PRRX2: variants seen among roughly 807,000 people sequenced by gnomAD.
PRRX2 encodes the protein paired mesoderm homeobox protein 2.
PRRX2 carries 11 observed loss-of-function variants against 18.0 expected under a neutral mutation model. The observed-to-expected ratio is 0.61, with a 90% CI of 0.39 to 1.01. PRRX2 has a LOEUF of 1.01. Ranked by LOEUF, PRRX2 falls within the 50% of genes least tolerant of loss-of-function variation. The probability of loss-of-function intolerance (pLI) is 0.01; values close to 1 mark genes in which losing one functional copy is unlikely to be tolerated. For missense variants in PRRX2, 387 were observed against 351.0 expected (o/e 1.10, Z -0.82); for synonymous variants, 177 against 154.8 (o/e 1.14, Z -1.06).
chr9:129,673,948 G>A (rs1832133856), intron 1 of PRRX2, among the ~76,000 whole-genome samples: 1 of 152,242 alleles, frequency 6.6e-6, no homozygotes, highest in South Asian at 2.1e-4. Flanking sequence ...TCAGCATCCC[G>A]CAGGTAGGGA....
At chr9:129,672,587 G>A (rs956319597) in intron 1 of PRRX2, among the ~76,000 whole-genome samples, 1 of 151,810 alleles carries the variant, frequency 6.6e-6, no homozygotes, top group Non-Finnish European at 1.5e-5. Flanking sequence ...GGGGCCGTGA[G>A]GTGGCCCGGG....
intron 1 of PRRX2, among the ~76,000 whole-genome samples, chr9:129,714,937 A>G (rs907088561): frequency 3.3e-5 from 5 of 152,090 alleles, no homozygotes; most frequent in African/African-American, 1.2e-4. Flanking sequence ...GCTATTGATC[A>G]CCACCCAGTT....
At chr9:129,684,490 A>G (rs1588164951) in intron 1 of PRRX2, among the ~76,000 whole-genome samples, 1 of 84,456 alleles carries the variant, frequency 1.2e-5, no homozygotes. Flanking sequence ...AATCACACAC[A>G]CACACACACA....
At chr9:129,690,223 A>T (rs1393484059) in intron 1 of PRRX2, among the ~76,000 whole-genome samples, 7 of 152,180 alleles carry the variant, frequency 4.6e-5, no homozygotes, top group Admixed American at 4.6e-4. Flanking sequence ...TCTCTCCCTG[A>T]GAGTTGGCCT....
At chr9:129,711,557 CA>C in intron 1 of PRRX2, among the ~76,000 whole-genome samples, 1 of 151,914 alleles carries the variant, frequency 6.6e-6, no homozygotes, top group Non-Finnish European at 1.5e-5. Flanking sequence ...AGGTGCACAC[CA>C]CCACACCCAG....
At chr9:129,677,648 G>A (rs892961911) in intron 1 of PRRX2, among the ~76,000 whole-genome samples, 7 of 152,228 alleles carry the variant, frequency 4.6e-5, no homozygotes, top group Admixed American at 3.3e-4. Flanking sequence ...TGGGGAGGGG[G>A]GTGACCAGGG....
chr9:129,714,962 T>A (rs767085047), intron 1 of PRRX2, among the ~76,000 whole-genome samples: 6 of 152,086 alleles, frequency 3.9e-5, no homozygotes, highest in Non-Finnish European at 7.4e-5. Flanking sequence ...GCGCAAGGGC[T>A]CTTGTTTCGG....
At chr9:129,703,715 T>C (rs1218360247) in intron 1 of PRRX2, among the ~76,000 whole-genome samples, 1 of 152,138 alleles carries the variant, frequency 6.6e-6, no homozygotes, top group Non-Finnish European at 1.5e-5. Flanking sequence ...CCTTCTCGCC[T>C]CACCACAGTC....
chr9:129,690,382 T>C (rs7867142), intron 1 of PRRX2, among the ~76,000 whole-genome samples: 14,907 of 152,054 alleles, frequency 0.098, 1,391 homozygotes, highest in East Asian at 0.35. Context: ...ATGGGTAGGA[T>C]CTGAACCCTG....
chr9:129,684,460 C>CACACACG (rs1415884580), intron 1 of PRRX2, among the ~76,000 whole-genome samples: 1 of 125,098 alleles, frequency 8.0e-6, no homozygotes. Flanking sequence ...ACACACACAC[C>CACACACG]CAACAGAAAA....
At chr9:129,670,109 G>A (rs1011441756) in intron 1 of PRRX2, among the ~76,000 whole-genome samples, 5 of 148,736 alleles carry the variant, frequency 3.4e-5, no homozygotes, top group Non-Finnish European at 5.9e-5. Context: ...TTCTGTGACC[G>A]TCTTATTTCA....
chr9:129,685,393 G>T (rs185145963), intron 1 of PRRX2, among the ~76,000 whole-genome samples: 1 of 152,086 alleles, frequency 6.6e-6, no homozygotes, highest in Non-Finnish European at 1.5e-5. Flanking sequence ...TTGAGGCAGG[G>T]TCTCACTCTG....
intron 1 of PRRX2, among the ~76,000 whole-genome samples, chr9:129,697,254 G>A (rs1293426948): frequency 6.6e-6 from 1 of 152,118 alleles, no homozygotes; most frequent in Non-Finnish European, 1.5e-5. Flanking sequence ...AGTGGAGAGG[G>A]AGGTGTCTGA....
intron 1 of PRRX2, among the ~76,000 whole-genome samples, chr9:129,713,628 T>C (rs1027458211): frequency 4.0e-5 from 6 of 151,634 alleles, no homozygotes; most frequent in East Asian, 1.9e-4. Context: ...TCTTCCTTTT[T>C]TTTCTTTCTT....
At chr9:129,693,288 T>C (rs931265409) in intron 1 of PRRX2, among the ~76,000 whole-genome samples, 3 of 152,124 alleles carry the variant, frequency 2.0e-5, no homozygotes, top group African/African-American at 7.2e-5. Flanking sequence ...GTAGATAGTC[T>C]TTTAAAAAAA....
chr9:129,716,597 G>A (rs1312588564), intron 1 of PRRX2, among the ~76,000 whole-genome samples: 5 of 151,926 alleles, frequency 3.3e-5, no homozygotes, highest in Non-Finnish European at 7.4e-5. Context: ...TGGGATTACA[G>A]GCATGCACCA....
Position 129,709,123 on chromosome 9 carries a change from G to A in PRRX2, c.260-10108G>A, listed in dbSNP as rs1473945147. On this transcript the variant is annotated intron_variant, in intron 1 of 3. Transcript: ENST00000372469. This position sits in a 1 kb window ranked among gnomAD's most constrained non-coding sequence, Gnocchi z 4.2. The stretch of plus-strand genomic sequence containing the variant: ...GGGCTGGGTCAGCTTTAGCCAGTGC[G>A]GTGGGGATGGGGGAAGGGTGCCCTA... Among the ~76,000 whole-genome samples, 5 of 152,060 alleles carry A rather than the reference G, an allele frequency of 3.3e-5. No homozygotes were observed. The highest frequency in any genetic ancestry group is 1.2e-4 in the African/African-American group (5 of 41,406).
chr9:129,712,174 G>A (rs961129465), intron 1 of PRRX2, among the ~76,000 whole-genome samples: 3 of 152,164 alleles, frequency 2.0e-5, no homozygotes, highest in African/African-American at 4.8e-5. Flanking sequence ...TTGTTTTTGC[G>A]ATCCTGTTGG....
chr9:129,691,292 G>A (rs61706734), intron 1 of PRRX2, among the ~76,000 whole-genome samples: 1,744 of 150,844 alleles, frequency 0.012, 24 homozygotes, highest in African/African-American at 0.041. Flanking sequence ...ACCCAAGATC[G>A]CACCATTGCA....
Sources: gnomAD v4.1 joint callset for allele counts (sites outside exome capture counted in the v4.1 genomes callset) on GRCh38, gnomAD v4.1.1 for gene constraint, Gnocchi (gnomAD v3.1) non-coding constraint, MANE v1.5 for transcripts, NCBI Gene and HGNC (gene_info 2026-07-23, HGNC 2026-07-21) for gene names.